Variants in KLHL20 observed in about 807,000 individuals in gnomAD.
KLHL20 encodes the protein kelch like family member 20.
Under a neutral mutation model 69.5 loss-of-function variants are expected in KLHL20, and 29 were observed. The ratio of observed to expected loss-of-function variants is 0.42; its 90% CI spans 0.31 to 0.57. KLHL20 has a LOEUF of 0.57. Among genes scored for constraint, KLHL20 ranks in the 20% least tolerant of loss-of-function variants. The pLI is 0.18. For synonymous variants in KLHL20, 253 were observed against 265.2 expected, an observed-to-expected ratio of 0.95 and a Z score of 0.45; for missense variants, 419 against 776.0, an observed-to-expected ratio of 0.54 and a Z score of 5.47.
chr1:173,736,341 A>G (rs952765894), intron 3 of KLHL20, among the ~76,000 whole-genome samples: 6 of 152,168 alleles, frequency 3.9e-5, no homozygotes, highest in South Asian at 2.1e-4. Context: ...ATTGATGGGC[A>G]TTTGGGCTGG....
chr1:173,761,811 C>G (rs1647325006), intron 7 of KLHL20, among the ~76,000 whole-genome samples: 1 of 151,922 alleles, frequency 6.6e-6, no homozygotes, highest in Non-Finnish European at 1.5e-5. Flanking sequence ...CAGGTCACAC[C>G]TCAAGGAACT....
intron 7 of KLHL20, among the ~76,000 whole-genome samples, chr1:173,762,925 G>T (rs771595115): frequency 4.6e-5 from 7 of 152,068 alleles, no homozygotes; most frequent in African/African-American, 9.7e-5. Flanking sequence ...CAGTAAAGAG[G>T]AAGTCATACT....
chr1:173,765,435 G>A (rs1391369350), intron 7 of KLHL20, among the ~76,000 whole-genome samples: 9 of 152,116 alleles, frequency 5.9e-5, no homozygotes, highest in African/African-American at 2.2e-4. Context: ...CCCGGGAGGC[G>A]GAGCTTGCAG....
rs186796101 is a variant in KLHL20, at chr1:173,783,615, C to G, written c.1745+1385C>G. 5.3e-5 allele frequency among the ~76,000 whole-genome samples: 8 copies of G among 152,274 alleles called. No homozygotes were observed. The East Asian group carries it at 1.5e-3, about 29-fold the overall frequency. On this transcript the variant is annotated intron_variant, in intron 11 of 11. Transcript: ENST00000209884. ...AGGCACGGTGGCTCATGCCTGTAAT[C>G]TCAGCACTTTGGGAGACCAAGGTGG...
chr1:173,765,818 C>T (rs183782014), intron 7 of KLHL20, among the ~76,000 whole-genome samples: 13 of 151,890 alleles, frequency 8.6e-5, no homozygotes, highest in African/African-American at 2.7e-4. Flanking sequence ...TATGTGGATA[C>T]ATATATACCT....
chr1:173,717,379 A>G (rs956602758), intron 2 of KLHL20, among the ~76,000 whole-genome samples: 4 of 152,204 alleles, frequency 2.6e-5, no homozygotes, highest in African/African-American at 9.6e-5. Context: ...ATCATGCTGG[A>G]TAATTCTAGT....
intron 2 of KLHL20, among the ~76,000 whole-genome samples, chr1:173,716,712 A>G (rs1671482087): frequency 6.6e-6 from 1 of 152,086 alleles, no homozygotes; most frequent in African/African-American, 2.4e-5. Flanking sequence ...TCCCAGTTCT[A>G]TTTCTTTGGT....
intron 3 of KLHL20, chr1:173,741,640 G>A (rs181231775): frequency 4.1e-6 from 2 of 493,198 alleles, no homozygotes; most frequent in Non-Finnish European, 6.6e-6. Context: ...TCTGTAAATC[G>A]TCCTTTCTGG....
In KLHL20 at chr1:173,753,310, A is replaced by G; in HGVS notation, c.851+3A>G. The G allele has an allele frequency of 6.2e-7, 1 of 1,608,936 alleles. No individual in the cohort carries two copies. Among genetic ancestry groups the G allele is most frequent in the Non-Finnish European group, 8.5e-7 (1 of 1,175,312 alleles). ...ATCAAAAGTGATGAAGAATGCAGGT[A>G]TGAGTGACCCTGGATGGGAAAAATC... is the stretch of plus-strand genomic sequence containing the variant. On this transcript the variant is annotated splice_donor_region_variant and intron_variant, in intron 5 of 11. Coordinates refer to ENST00000209884, the MANE Select transcript of KLHL20 (RefSeq NM_014458.4).
At chr1:173,752,281 G>C (rs1321262631) in intron 4 of KLHL20, among the ~76,000 whole-genome samples, 1 of 151,368 alleles carries the variant, frequency 6.6e-6, no homozygotes, top group African/African-American at 2.4e-5. Context: ...ATACGTATTT[G>C]TCTTGCAAAC....
intron 7 of KLHL20, among the ~76,000 whole-genome samples, chr1:173,762,316 C>T (rs1647362991): frequency 6.6e-6 from 1 of 152,122 alleles, no homozygotes; most frequent in African/African-American, 2.4e-5. Flanking sequence ...GGTACCAATC[C>T]TTTTGACACT....
At chr1:173,736,395 A>G (rs953179678) in intron 3 of KLHL20, among the ~76,000 whole-genome samples, 6 of 152,146 alleles carry the variant, frequency 3.9e-5, no homozygotes, top group Non-Finnish European at 8.8e-5. Context: ...ATAAACATGC[A>G]CATGCAAGTG....
chr1:173,750,606 G>A (rs1274349106), intron 3 of KLHL20, among the ~76,000 whole-genome samples: 1 of 151,618 alleles, frequency 6.6e-6, no homozygotes. Context: ...CTGCCTCAGG[G>A]TTTCACCATG....
intron 9 of KLHL20, 86 bp from the exon 10 acceptor site, chr1:173,775,548 T>C: frequency 6.4e-6 from 7 of 1,095,618 alleles, no homozygotes; most frequent in Non-Finnish European, 9.5e-6. Context: ...ATATGTGTTA[T>C]CACAAAGTAT....
At chr1:173,733,426 G>A (rs780925204) in intron 2 of KLHL20, among the ~76,000 whole-genome samples, 16 of 152,050 alleles carry the variant, frequency 1.1e-4, no homozygotes, top group Non-Finnish European at 2.1e-4. Context: ...TGATCTAAAA[G>A]TTTTATTGCT....
chr1:173,728,968 G>T (rs902510450), intron 2 of KLHL20, among the ~76,000 whole-genome samples: 1 of 152,040 alleles, frequency 6.6e-6, no homozygotes, highest in Non-Finnish European at 1.5e-5. Flanking sequence ...CAACAAAATT[G>T]ATAGACCGCT....
intron 7 of KLHL20, among the ~76,000 whole-genome samples, chr1:173,758,929 A>G (rs1571907324): frequency 6.6e-6 from 1 of 152,164 alleles, no homozygotes; most frequent in African/African-American, 2.4e-5. Flanking sequence ...CGGCAGGGGG[A>G]AAACTAAAGC....
chr1:173,778,505 TTTG>T (rs1648632793), intron 10 of KLHL20, among the ~76,000 whole-genome samples: 1 of 141,692 alleles, frequency 7.1e-6, no homozygotes, highest in South Asian at 2.3e-4. Flanking sequence ...ATTTTTGTTT[TTTG>T]TTTTTTTTTT....
At chr1:173,772,232 C>T (rs1377677593) in intron 8 of KLHL20, among the ~76,000 whole-genome samples, 1 of 152,088 alleles carries the variant, frequency 6.6e-6, no homozygotes, top group Non-Finnish European at 1.5e-5. Flanking sequence ...AGGTTTAGAA[C>T]AGGAAATGTG....
Sources: allele counts gnomAD v4.1 joint callset (sites outside exome capture counted in the v4.1 genomes callset), GRCh38; gene constraint gnomAD v4.1.1; transcripts MANE v1.5; gene names NCBI Gene and HGNC (gene_info 2026-07-23, HGNC 2026-07-21).